The following EML2 variants were observed in gnomAD, a reference collection of about 807,000 sequenced individuals.
The protein encoded by EML2 is echinoderm microtubule-associated protein-like 2.
A neutral mutation model predicts 84.7 loss-of-function variants in EML2; 59 were observed. That is an observed-to-expected ratio of 0.70 (90% CI 0.56 to 0.86). The LOEUF is 0.86. EML2 is among the 40% of genes least tolerant of loss of function. The pLI, the probability that EML2 is intolerant of heterozygous loss-of-function variation, is 0.00. For missense variants in EML2, 818 were observed against 855.6 expected (o/e 0.96, Z 0.55); for synonymous variants, 352 against 348.9 (o/e 1.01, Z -0.10).
intron 6 of EML2, among the ~76,000 whole-genome samples, chr19:45,632,192 CT>C (rs59501832): frequency 0.49 from 64,598 of 132,486 alleles, 15,524 homozygotes; most frequent in African/African-American, 0.66. Context: ...TGCACCTGGC[CT>C]TTTTTTTTTT....
chr19:45,634,880 C>T (rs1195381784), intron 3 of EML2, among the ~76,000 whole-genome samples: 1 of 150,336 alleles, frequency 6.7e-6, no homozygotes, highest in African/African-American at 2.5e-5. Context: ...GAGACGCAGT[C>T]TCGCTCTGTC....
intron 3 of EML2, 55 bp from the exon 4 acceptor site, chr19:45,634,526 G>A: frequency 1.5e-6 from 2 of 1,300,228 alleles, no homozygotes; most frequent in Non-Finnish European, 2.0e-6. Flanking sequence ...TTGTTTGTTT[G>A]TTTTGTTTTT....
rs751538086 is a variant in EML2 at position 45,617,658 on chromosome 19, C to T, written c.1294G>A (p.Val432Ile). Residue 432 changes from valine to isoleucine, a missense_variant, in exon 13 of 19, where the codon GTC becomes ATC. Transcript: ENST00000245925. ...RSAGFHPSGS[V>I]LAVGTVTGRW... ...CCAGTCACTGTACCCACAGCCAGGA[C>T]AGAGCCACTGGGGTGGAAGCCGGCT... 15 of 1,613,886 alleles carry T rather than the reference C, an allele frequency of 9.3e-6. No homozygotes were observed. Among genetic ancestry groups the T allele is most frequent in the Admixed American group, 1.7e-5 (1 of 59,976 alleles).
At position 45,616,476 on chromosome 19, in the gene EML2, G is replaced by A. The variant is rs1479885086; in HGVS notation, c.1494C>T (p.Arg498=). 1.9e-6 allele frequency: 3 copies of A among 1,591,534 alleles called. No homozygotes were observed. The highest frequency in any genetic ancestry group is 1.3e-5 in the African/African-American group (1 of 74,454). The part of the protein sequence containing the change: ...TVDQGGRKVS[R]LGKCSGHSSF... ...GCCCACTCACCGAGCACTTGCCCAGGCGGCTGACCTTGCGGCCGCCCTGGT... is the reference window on the plus strand; with the variant it reads ...GCCCACTCACCGAGCACTTGCCCAGACGGCTGACCTTGCGGCCGCCCTGGT... Residue 498 remains arginine (R), a synonymous_variant, in exon 15 of 19, where the codon CGC becomes CGT. Transcript: ENST00000245925.
intron 3 of EML2, among the ~76,000 whole-genome samples, chr19:45,637,513 C>G (rs1392373544): frequency 1.5e-5 from 2 of 129,598 alleles, no homozygotes; most frequent in Non-Finnish European, 3.1e-5. Context: ...GAGTCTCGCT[C>G]TGTCGCCCAG....
intron 12 of EML2, 114 bp downstream of exon 12, chr19:45,618,946 C>T (rs748646691): frequency 3.0e-5 from 37 of 1,240,526 alleles, no homozygotes; most frequent in African/African-American, 2.2e-4. Flanking sequence ...GACTCCACCT[C>T]GAAGAAAAAA....
chr19:45,629,412 G>A (rs768505043), intron 7 of EML2, among the ~76,000 whole-genome samples: 3 of 151,920 alleles, frequency 2.0e-5, no homozygotes, highest in Non-Finnish European at 4.4e-5. Flanking sequence ...CGCAACCTCC[G>A]CCTCCGGGTT....
chr19:45,621,401 G>A lies in EML2; in HGVS notation c.997-69C>T. The A allele has an allele frequency of 3.2e-6, 5 of 1,573,058 alleles. No homozygotes were observed. The South Asian group carries it at 5.8e-5, about 18-fold the overall frequency. On this transcript the variant is annotated intron_variant, in intron 10 of 18. Coordinates refer to ENST00000245925, the MANE Select transcript of EML2 (RefSeq NM_012155.4). The stretch of plus-strand genomic sequence containing the variant: ...GTGGGTGTGGGGTGACATACTGTGG[G>A]GAGGAGGGTCTGGCGTTGGGAGCCC...
At chr19:45,624,227 G>A (rs767550812) in intron 9 of EML2, among the ~76,000 whole-genome samples, 2 of 152,156 alleles carry the variant, frequency 1.3e-5, no homozygotes, top group Non-Finnish European at 2.9e-5. Context: ...CACTAACATA[G>A]TTAGCCATTA....
intron 9 of EML2, among the ~76,000 whole-genome samples, chr19:45,622,777 G>A (rs1437626336): frequency 1.3e-5 from 2 of 152,204 alleles, no homozygotes; most frequent in South Asian, 4.1e-4. Flanking sequence ...GCCGGGTTCG[G>A]TGGCTCATGC....
chr19:45,643,055 CTA>C (rs1974726026), upstream of EML2, among the ~76,000 whole-genome samples: 3 of 152,138 alleles, frequency 2.0e-5, no homozygotes, highest in African/African-American at 7.2e-5. Context: ...CGTTAAGTAT[CTA>C]TGAGTGATAA....
At chr19:45,612,625 G>A (rs1396404130) in intron 18 of EML2, among the ~76,000 whole-genome samples, 3 of 152,158 alleles carry the variant, frequency 2.0e-5, no homozygotes, top group African/African-American at 4.8e-5. Flanking sequence ...AGTGAGCCGA[G>A]ATTGTGCCAT....
At chr19:45,641,977 G>A (rs1174999411), upstream of EML2, 1 of 1,444,062 alleles carries the variant, frequency 6.9e-7, no homozygotes, top group South Asian at 1.5e-5. Flanking sequence ...AGCCACCCAC[G>A]CGCCGCGGGG....
rs1476090044 is a variant in EML2, at chr19:45,624,704, T to A, written c.841+15A>T. 6.2e-7 allele frequency: 1 copy of A among 1,602,372 alleles called. No individual in the cohort carries two copies. Among genetic ancestry groups the A allele is most frequent in the Non-Finnish European group, 8.5e-7 (1 of 1,170,478 alleles). On this transcript the variant is annotated intron_variant, in intron 9 of 18. Coordinates refer to ENST00000245925, the MANE Select transcript of EML2 (RefSeq NM_012155.4). ...AAGACTGGATTGGGAACCAAACAGATGGGGTGACACTGACCTTTGCCCCAA... is the reference window on the plus strand; with the variant it reads ...AAGACTGGATTGGGAACCAAACAGAAGGGGTGACACTGACCTTTGCCCCAA...
At chr19:45,612,091 G>A in intron 18 of EML2, among the ~76,000 whole-genome samples, 1 of 150,134 alleles carries the variant, frequency 6.7e-6, no homozygotes, top group South Asian at 2.1e-4. Flanking sequence ...TCACTCTATC[G>A]CTCAGTGCAT....
chr19:45,640,554 G>T (rs1974355617), upstream of EML2: 2 of 152,232 alleles, frequency 1.3e-5, no homozygotes, highest in South Asian at 4.1e-4. Context: ...CTCCCGAGTA[G>T]CTGGGACTAC....
intron 11 of EML2, among the ~76,000 whole-genome samples, chr19:45,620,268 C>T (rs1971540109): frequency 6.6e-6 from 1 of 152,030 alleles, no homozygotes; most frequent in Admixed American, 6.6e-5. Flanking sequence ...CACACGCCAC[C>T]ATGCCCAGCT....
chr19:45,641,480 G>A (rs1004047022), upstream of EML2: 12 of 668,150 alleles, frequency 1.8e-5, no homozygotes, highest in Non-Finnish European at 3.0e-5. Flanking sequence ...CTGTTACCGT[G>A]CCACCTCAAG....
chr19:45,633,011 T>C (rs752732010), intron 5 of EML2, 40 bp from the exon 6 acceptor site: 25 of 1,564,432 alleles, frequency 1.6e-5, no homozygotes, highest in South Asian at 5.7e-5. Context: ...GGGTGCCAGC[T>C]GCTTGTCCCC....
Sources: allele counts gnomAD v4.1 joint callset (sites outside exome capture counted in the v4.1 genomes callset), GRCh38; gene constraint gnomAD v4.1.1; transcripts MANE v1.5; gene names NCBI Gene and HGNC (gene_info 2026-07-23, HGNC 2026-07-21).